CAMK1D: variants seen among roughly 807,000 people sequenced by gnomAD.
The protein encoded by CAMK1D is calcium/calmodulin-dependent protein kinase type 1D.
A neutral mutation model predicts 47.7 loss-of-function variants in CAMK1D; 9 were observed. The observed-to-expected ratio is 0.19, with a 90% CI of 0.11 to 0.33. The LOEUF is 0.33. CAMK1D is among the 10% of genes least tolerant of loss of function. The probability of loss-of-function intolerance (pLI) is 1.00; values close to 1 mark genes in which losing one functional copy is unlikely to be tolerated. For synonymous variants in CAMK1D, 184 were observed against 184.9 expected (o/e 0.99, Z 0.04); for missense variants, 291 against 488.7 (o/e 0.60, Z 3.81).
chr10:12,426,806 C>T (rs147627513), intron 1 of CAMK1D, among the ~76,000 whole-genome samples: 90 of 152,304 alleles, frequency 5.9e-4, no homozygotes, highest in African/African-American at 1.9e-3. Flanking sequence ...CCTCCACCTC[C>T]GGGGTTCAAG....
intron 1 of CAMK1D, among the ~76,000 whole-genome samples, chr10:12,523,058 A>T (rs1454783690): frequency 6.8e-6 from 1 of 146,482 alleles, no homozygotes; most frequent in Non-Finnish European, 1.5e-5. Flanking sequence ...GACGCTCCTC[A>T]CTTCTCAGTC....
chr10:12,791,518 T>A (rs957101581), intron 6 of CAMK1D, among the ~76,000 whole-genome samples: 2 of 152,174 alleles, frequency 1.3e-5, no homozygotes, highest in Non-Finnish European at 2.9e-5. Flanking sequence ...TCTGTACTCT[T>A]TTCTGTCTCT....
At chr10:12,746,775 G>A (rs1200465565) in intron 3 of CAMK1D, among the ~76,000 whole-genome samples, 1 of 152,168 alleles carries the variant, frequency 6.6e-6, no homozygotes, top group East Asian at 1.9e-4. Context: ...GGTGAGCCAC[G>A]CCACAGCTGG....
At chr10:12,385,362 G>A (rs1463055485) in intron 1 of CAMK1D, among the ~76,000 whole-genome samples, 1 of 152,200 alleles carries the variant, frequency 6.6e-6, no homozygotes, top group Non-Finnish European at 1.5e-5. Context: ...TTTATCAGTG[G>A]ATGAATGGAA....
intron 1 of CAMK1D, among the ~76,000 whole-genome samples, chr10:12,439,251 G>T (rs994862239): frequency 2.0e-5 from 3 of 152,138 alleles, no homozygotes; most frequent in African/African-American, 7.2e-5. Context: ...TGGCTGAAAA[G>T]GCTGCATACG....
chr10:12,668,954 C>T (rs983082142), intron 3 of CAMK1D, among the ~76,000 whole-genome samples: 6 of 152,056 alleles, frequency 3.9e-5, no homozygotes, highest in East Asian at 1.9e-4. Context: ...CTCATTGGCC[C>T]GGCATGGTGG....
chr10:12,632,691 TTTTG>T (rs1479684060), intron 2 of CAMK1D, among the ~76,000 whole-genome samples: 4 of 152,068 alleles, frequency 2.6e-5, no homozygotes, highest in African/African-American at 9.7e-5. Context: ...GTGTCTTGTT[TTTTG>T]TTTTTGTTTT....
chr10:12,525,459 T>C (rs1467630692), intron 1 of CAMK1D, among the ~76,000 whole-genome samples: 1 of 152,228 alleles, frequency 6.6e-6, no homozygotes, highest in African/African-American at 2.4e-5. Context: ...TCATTCTCTC[T>C]TCCAGTTTGA....
rs560423415 is a variant in CAMK1D at position 12,611,309 on chromosome 10, C to T, written c.225-55427C>T. Among the ~76,000 whole-genome samples, 143 of 152,256 alleles carry T rather than the reference C, an allele frequency of 9.4e-4. 1 individual carries two copies. The highest frequency in any genetic ancestry group is 3.4e-3 in the Middle Eastern group (1 of 294). The stretch of plus-strand genomic sequence containing the variant: ...TGTGCCCATCCCTGGAAGGAAGGGA[C>T]GCAACAGAGGCCATCCTAGAGCCTC... On this transcript the variant is annotated intron_variant, in intron 2 of 10. Coordinates refer to ENST00000619168, the MANE Select transcript of CAMK1D (RefSeq NM_153498.4).
At chr10:12,362,808 C>T (rs1438488985) in intron 1 of CAMK1D, among the ~76,000 whole-genome samples, 1 of 151,936 alleles carries the variant, frequency 6.6e-6, no homozygotes, top group African/African-American at 2.4e-5. Context: ...CCACGCTGGG[C>T]TGATTTTTTG....
chr10:12,564,246 A>C (rs1837054127), intron 2 of CAMK1D, among the ~76,000 whole-genome samples: 1 of 151,996 alleles, frequency 6.6e-6, no homozygotes, highest in African/African-American at 2.4e-5. Flanking sequence ...TGAAAGATTA[A>C]ATGCAAGTAG....
chr10:12,574,183 A>T (rs1837417646), intron 2 of CAMK1D, among the ~76,000 whole-genome samples: 1 of 152,216 alleles, frequency 6.6e-6, no homozygotes, highest in South Asian at 2.1e-4. Context: ...GTTCTGAAAC[A>T]CTGGGCCCTG....
intron 5 of CAMK1D, among the ~76,000 whole-genome samples, chr10:12,784,626 A>G (rs1056609307): frequency 5.3e-5 from 8 of 152,242 alleles, no homozygotes; most frequent in Admixed American, 3.9e-4. Context: ...AAAGGTATTT[A>G]GCAAACTGCT....
At chr10:12,824,934 C>T (rs547641372) in intron 9 of CAMK1D, among the ~76,000 whole-genome samples, 151 of 152,248 alleles carry the variant, frequency 9.9e-4, no homozygotes, top group Middle Eastern at 6.8e-3. Flanking sequence ...CAGATTTAAA[C>T]CATGGAGGTT....
At chr10:12,636,660 C>A (rs1054166919) in intron 2 of CAMK1D, among the ~76,000 whole-genome samples, 4 of 152,022 alleles carry the variant, frequency 2.6e-5, no homozygotes, top group African/African-American at 9.7e-5. Context: ...AGGAAACAGA[C>A]TGAGAGGGGT....
rs765910028 is a variant in CAMK1D at position 12,553,370 on chromosome 10, G to A, written c.224+14G>A. 1.9e-6 allele frequency: 3 copies of A among 1,590,790 alleles called. No individual in the cohort carries two copies. In the South Asian group the frequency reaches 3.3e-5, roughly 18 times the overall value. ...CGTCCTGAGAAAGTAAGTGCTGGAG[G>A]GCAACCCTCCTCCCTTCCCTACCTC... On this transcript the variant is annotated intron_variant, in intron 2 of 10. Transcript: ENST00000619168.
chr10:12,596,195 G>T (rs370292525), intron 2 of CAMK1D, among the ~76,000 whole-genome samples: 1 of 152,044 alleles, frequency 6.6e-6, no homozygotes, highest in Non-Finnish European at 1.5e-5. Context: ...AGAAACTGTC[G>T]ACAAAATAAA....
In CAMK1D at chr10:12,814,610, C is replaced by T. The variant is rs77056234; in HGVS notation, c.754+303C>T. ...AACTATGTCCTTCTCACCATGTCCT[C>T]ACATGGCAAAAGGGTCAAGAGAGCT... On this transcript the variant is annotated intron_variant, in intron 7 of 10. Coordinates refer to ENST00000619168, the MANE Select transcript of CAMK1D (RefSeq NM_153498.4). Among the ~76,000 whole-genome samples, 905 of 152,262 alleles carry T rather than the reference C, an allele frequency of 5.9e-3. 10 individuals carry two copies. The highest frequency in any genetic ancestry group is 0.021 in the African/African-American group (872 of 41,530).
At chr10:12,538,162 G>C (rs567063371) in intron 1 of CAMK1D, among the ~76,000 whole-genome samples, 1 of 152,332 alleles carries the variant, frequency 6.6e-6, no homozygotes, top group Admixed American at 6.5e-5. Context: ...AGGGAAAATA[G>C]ACCCGCTTAG....
Sources: gnomAD v4.1 joint callset for allele counts (sites outside exome capture counted in the v4.1 genomes callset) on GRCh38, gnomAD v4.1.1 for gene constraint, MANE v1.5 for transcripts, NCBI Gene and HGNC (gene_info 2026-07-23, HGNC 2026-07-21) for gene names.